The following ERBB4 variants were observed in gnomAD, a reference collection of about 807,000 sequenced individuals.
ERBB4 encodes the protein erb-b2 receptor tyrosine kinase 4.
Under a neutral mutation model 158.0 loss-of-function variants are expected in ERBB4, and 42 were observed. The ratio of observed to expected loss-of-function variants is 0.27; its 90% CI spans 0.21 to 0.34. The LOEUF is 0.34. Among genes scored for constraint, ERBB4 ranks in the 10% least tolerant of loss-of-function variants. The probability of loss-of-function intolerance (pLI) is 1.00; values close to 1 mark genes in which losing one functional copy is unlikely to be tolerated. For synonymous variants in ERBB4, 583 were observed against 558.7 expected, an observed-to-expected ratio of 1.04 and a Z score of -0.61; for missense variants, 1,333 against 1,624.1, an observed-to-expected ratio of 0.82 and a Z score of 3.08.
At chr2:212,180,749 G>A (rs560574341) in intron 1 of ERBB4, among the ~76,000 whole-genome samples, 3 of 151,690 alleles carry the variant, frequency 2.0e-5, no homozygotes, top group East Asian at 1.9e-4. Context: ...ATTTAGAAAC[G>A]TATATTTCTA....
At chr2:211,770,437 T>G (rs2075661413) in intron 4 of ERBB4, among the ~76,000 whole-genome samples, 1 of 152,210 alleles carries the variant, frequency 6.6e-6, no homozygotes, top group Non-Finnish European at 1.5e-5. Context: ...GAAGAAAAGT[T>G]AATTATTCAA....
chr2:212,079,082 G>A (rs954105791), intron 2 of ERBB4, among the ~76,000 whole-genome samples: 3 of 149,650 alleles, frequency 2.0e-5, no homozygotes, highest in Admixed American at 2.0e-4. Flanking sequence ...ATAATCCATT[G>A]TATTCTCTTT....
At chr2:211,714,253 A>T (rs13032114) in intron 7 of ERBB4, among the ~76,000 whole-genome samples, 1 of 152,024 alleles carries the variant, frequency 6.6e-6, no homozygotes, top group African/African-American at 2.4e-5. Context: ...GTCCAGTGAC[A>T]TGGGATATGC....
intron 1 of ERBB4, among the ~76,000 whole-genome samples, chr2:212,371,060 A>T (rs2090067994): frequency 6.6e-6 from 1 of 152,124 alleles, no homozygotes; most frequent in South Asian, 2.1e-4. Flanking sequence ...CATGTCCACA[A>T]ATCTCAGCAG....
intron 1 of ERBB4, among the ~76,000 whole-genome samples, chr2:212,440,256 T>C (rs1181611887): frequency 6.6e-6 from 1 of 152,212 alleles, no homozygotes; most frequent in African/African-American, 2.4e-5. Context: ...AGATCCACTC[T>C]TAATCTGGTG....
intron 3 of ERBB4, among the ~76,000 whole-genome samples, chr2:211,840,050 T>A (rs974871272): frequency 6.6e-6 from 1 of 151,996 alleles, no homozygotes; most frequent in Non-Finnish European, 1.5e-5. Flanking sequence ...AGGATGACAG[T>A]GAAGCTCTGT....
At chr2:212,537,421 C>T (rs1693149315) in intron 1 of ERBB4, among the ~76,000 whole-genome samples, 1 of 152,102 alleles carries the variant, frequency 6.6e-6, no homozygotes, top group South Asian at 2.1e-4. Flanking sequence ...CTTTGAGCTC[C>T]ATTGCACTGC....
chr2:212,386,691 C>T (rs1381598830), intron 1 of ERBB4, among the ~76,000 whole-genome samples: 1 of 151,870 alleles, frequency 6.6e-6, no homozygotes, highest in Non-Finnish European at 1.5e-5. Context: ...TTCATCCTAA[C>T]TTGCCTTGTT....
chr2:212,366,569 A>G (rs1283594522), intron 1 of ERBB4, among the ~76,000 whole-genome samples: 1 of 151,976 alleles, frequency 6.6e-6, no homozygotes, highest in South Asian at 2.1e-4. Context: ...TGTCATAAAA[A>G]AGTTTGATTG....
intron 1 of ERBB4, among the ~76,000 whole-genome samples, chr2:212,370,079 G>A (rs1192092042): frequency 6.6e-6 from 1 of 152,064 alleles, no homozygotes; most frequent in African/African-American, 2.4e-5. Context: ...ATCTCACCTT[G>A]AATTGCAATA....
intron 1 of ERBB4, among the ~76,000 whole-genome samples, chr2:212,241,536 A>G (rs2084106097): frequency 6.6e-6 from 1 of 152,218 alleles, no homozygotes; most frequent in Non-Finnish European, 1.5e-5. Flanking sequence ...CTTAGAAACT[A>G]ATAATAACAA....
intron 1 of ERBB4, among the ~76,000 whole-genome samples, chr2:212,237,514 G>A (rs1235133563): frequency 1.3e-5 from 2 of 152,132 alleles, no homozygotes; most frequent in African/African-American, 2.4e-5. Flanking sequence ...GGTGTCTGTC[G>A]ACTCCTGCTG....
chr2:212,191,730 GTTATA>G (rs2082230884), intron 1 of ERBB4, among the ~76,000 whole-genome samples: 1 of 145,416 alleles, frequency 6.9e-6, no homozygotes, highest in Non-Finnish European at 1.5e-5. Flanking sequence ...TATAACACGT[GTTATA>G]CATGTTACAT....
chr2:212,313,154 T>C (rs1007118353), intron 1 of ERBB4, among the ~76,000 whole-genome samples: 4 of 150,876 alleles, frequency 2.7e-5, no homozygotes, highest in East Asian at 2.0e-4. Flanking sequence ...TATACCAAAG[T>C]GTTCTTCCAT....
chr2:211,438,230 A>ATGAT (rs1414328695), intron 20 of ERBB4, among the ~76,000 whole-genome samples: 2 of 152,232 alleles, frequency 1.3e-5, no homozygotes, highest in African/African-American at 4.8e-5. Flanking sequence ...TTTTTATTCC[A>ATGAT]TGATAGATGA....
chr2:211,805,215 C>T (rs1386198335), intron 3 of ERBB4, among the ~76,000 whole-genome samples: 1 of 152,174 alleles, frequency 6.6e-6, no homozygotes, highest in Admixed American at 6.5e-5. Context: ...GTGTGAGCCA[C>T]TGTGCCTGGC....
At chr2:211,793,470 T>G (rs1306651469) in intron 3 of ERBB4, among the ~76,000 whole-genome samples, 2 of 151,940 alleles carry the variant, frequency 1.3e-5, no homozygotes, top group African/African-American at 4.8e-5. Flanking sequence ...GTCAGACTTA[T>G]ACTATCTATC....
chr2:212,316,307 T>A (rs535310371), intron 1 of ERBB4, among the ~76,000 whole-genome samples: 1 of 151,550 alleles, frequency 6.6e-6, no homozygotes, highest in South Asian at 2.1e-4. Flanking sequence ...GGGTGCCCTT[T>A]TGGATGCCGT....
At chr2:211,958,093 A>T (rs2125166938) in intron 2 of ERBB4, among the ~76,000 whole-genome samples, 1 of 152,218 alleles carries the variant, frequency 6.6e-6, no homozygotes, top group South Asian at 2.1e-4. Context: ...TCAGGCCTGG[A>T]TTTGACAAGC....
Sources: gnomAD v4.1 joint callset for allele counts (sites outside exome capture counted in the v4.1 genomes callset) on GRCh38, gnomAD v4.1.1 for gene constraint, MANE v1.5 for transcripts, NCBI Gene and HGNC (gene_info 2026-07-23, HGNC 2026-07-21) for gene names.